Variants in CLCNKA observed in about 807,000 individuals in gnomAD.
CLCNKA encodes the protein chloride channel protein ClC-Ka.
In CLCNKA, 66 loss-of-function variants were observed where a neutral mutation model predicts 83.3. The observed-to-expected ratio is 0.79, with a 90% CI of 0.65 to 0.97. CLCNKA has a LOEUF of 0.97. Among genes scored for constraint, CLCNKA ranks in the 50% least tolerant of loss-of-function variants. The pLI is 0.00. For missense variants in CLCNKA, 806 were observed against 888.7 expected (o/e 0.91, Z 1.18); for synonymous variants, 357 against 370.4 (o/e 0.96, Z 0.42).
intron 19 of CLCNKA, 72 bp downstream of exon 19, chr1:16,033,328 G>A: frequency 6.6e-7 from 1 of 1,506,812 alleles, no homozygotes; most frequent in Non-Finnish European, 9.2e-7. Context: ...GGGGAGGTGG[G>A]GGGACACCAG....
intron 15 of CLCNKA, among the ~76,000 whole-genome samples, chr1:16,031,197 C>T (rs1245502356): frequency 6.6e-6 from 1 of 152,240 alleles, no homozygotes; most frequent in Non-Finnish European, 1.5e-5. Flanking sequence ...CCGCTCCAAA[C>T]ACAAACAAGC....
rs1233888093 is a variant in CLCNKA at position 16,026,551 on chromosome 1, C to T, written c.514C>T (p.Leu172=). The change falls in exon 6 of 20, where the codon CTG becomes TTG. Residue 172 remains leucine, a synonymous_variant. Coordinates refer to ENST00000331433, the MANE Select transcript of CLCNKA (RefSeq NM_004070.4). The part of the protein sequence containing the change: ...FLGKVGPFVH[L]SVMIAAYLGR... ...CCCTCTGCAGGGCCCTTTCGTGCAC[C>T]TGTCTGTAATGATCGCTGCCTACCT... The T allele has an allele frequency of 6.2e-7, 1 of 1,613,948 alleles. No individual in the cohort carries two copies. Among genetic ancestry groups the T allele is most frequent in the Admixed American group, 1.7e-5 (1 of 59,998 alleles).
chr1:16,027,159 C>T (rs1005528025), intron 7 of CLCNKA, 151 bp from the exon 8 acceptor site: 11 of 1,156,638 alleles, frequency 9.5e-6, no homozygotes, highest in African/African-American at 6.0e-5. Context: ...CCGCCCAGGG[C>T]GCAAGCCCTG....
In CLCNKA at chr1:16,026,195, T is replaced by A. The variant is rs754555441; in HGVS notation, c.446T>A (p.Val149Glu). ...LDIKNFGAKV[V>E]GLSCTLATGS... Reference sequence around the variant, plus strand: ...ATCAAGAACTTTGGGGCCAAGGTGGTGGGCCTCTCCTGCACCCTGGCCACC... The same window carrying A: ...ATCAAGAACTTTGGGGCCAAGGTGGAGGGCCTCTCCTGCACCCTGGCCACC... The change falls in exon 5 of 20, where the codon GTG becomes GAG. Residue 149 changes from valine (V) to glutamate (E), a missense_variant. Coordinates refer to ENST00000331433, the MANE Select transcript of CLCNKA (RefSeq NM_004070.4). 4.3e-6 allele frequency: 7 copies of A among 1,613,882 alleles called. No homozygotes were observed. Among genetic ancestry groups the A allele is most frequent in the Non-Finnish European group, 5.9e-6 (7 of 1,180,008 alleles).
Position 16,026,760 on chromosome 1 carries a change from G to A in CLCNKA, c.640G>A (p.Ala214Thr). The change falls in exon 7 of 20, where the codon GCA (alanine) becomes ACA (threonine). Residue 214 changes from alanine (A) to threonine (T), a missense_variant. By Grantham distance (58) the Ala-to-Thr change is moderately conservative. Coordinates refer to ENST00000331433, the MANE Select transcript of CLCNKA (RefSeq NM_004070.4). ...GGCAGTGGGCGTGGCCACAGTCTTT[G>A]CAGCTCCCTTCAGCGGTGAGACCCC... ...AAAVGVATVF[A>T]APFSGVLFSI... 1 of 1,613,604 alleles carries A rather than the reference G, an allele frequency of 6.2e-7. No homozygotes were observed. The highest frequency in any genetic ancestry group is 2.2e-5 in the East Asian group (1 of 44,858).
rs1193948622 is a variant in CLCNKA at position 16,027,031 on chromosome 1, CCT to C, written c.655+261_655+262del. The C allele has an allele frequency of 7.7e-6, 5 of 645,956 alleles. No homozygotes were observed. In the African/African-American group the frequency reaches 9.1e-5, roughly 12 times the overall value. The allele number at this position is 645,956 out of a possible 1,614,324, so 40.0% of individuals were successfully genotyped here. On this transcript the variant is annotated intron_variant, in intron 7 of 19. Coordinates refer to ENST00000331433, the MANE Select transcript of CLCNKA (RefSeq NM_004070.4). The stretch of plus-strand genomic sequence containing the variant: ...GGTTTGAAATCCACTGGCCCCTTGG[CCT>C]CTCTGAGCGCAGCTTCCTCCTCTGT...
intron 3 of CLCNKA, 131 bp from the exon 4 acceptor site, chr1:16,024,632 G>A (rs556644394): frequency 4.7e-5 from 59 of 1,252,206 alleles, no homozygotes; most frequent in Admixed American, 1.2e-4. Context: ...TTGGGGGTCT[G>A]CACCTCACTC....
intron 10 of CLCNKA, among the ~76,000 whole-genome samples, chr1:16,028,325 C>G (rs1277426031): frequency 6.6e-6 from 1 of 151,880 alleles, no homozygotes; most frequent in East Asian, 1.9e-4. Context: ...ACCCCCATCC[C>G]TCCTTCATTC....
intron 3 of CLCNKA, 66 bp from the exon 4 acceptor site, chr1:16,024,697 C>G: frequency 6.2e-7 from 1 of 1,606,334 alleles, no homozygotes; most frequent in Non-Finnish European, 8.5e-7. Flanking sequence ...TAAGTGGGCA[C>G]CACAGTGTCT....
Position 16,026,524 on chromosome 1 carries a change from T to G in CLCNKA, c.499-12T>G. 1 of 1,613,818 alleles carries G rather than the reference T, an allele frequency of 6.2e-7. No homozygotes were observed. Among genetic ancestry groups the G allele is most frequent in the African/African-American group, 1.3e-5 (1 of 75,016 alleles). On this transcript the variant is annotated splice_polypyrimidine_tract_variant and intron_variant, in intron 5 of 19. Transcript: ENST00000331433. ...CTGCTGCCCTCACCTGGGCCCACCCTTCCCTCTGCAGGGCCCTTTCGTGCA... is the reference window on the plus strand; with the variant it reads ...CTGCTGCCCTCACCTGGGCCCACCCGTCCCTCTGCAGGGCCCTTTCGTGCA...
chr1:16,031,547 A>C (rs1220092686), intron 15 of CLCNKA, among the ~76,000 whole-genome samples, 163 bp from the exon 16 acceptor site: 3 of 152,152 alleles, frequency 2.0e-5, no homozygotes, highest in Non-Finnish European at 4.4e-5. Flanking sequence ...GTTTCCTCCC[A>C]CTGTGGGTTC....
In CLCNKA at chr1:16,030,056, C is replaced by CG. The variant is rs1270880519; in HGVS notation, c.1395dup (p.Tyr466ValfsTer25). ...GAGGGGTTACCAATCCCATCATGCC[C>CG]GGGGGGTATGCTCTGGCAGGTGAGT... On this transcript the variant is annotated frameshift_variant, in exon 14 of 20. Coordinates refer to ENST00000331433, the MANE Select transcript of CLCNKA (RefSeq NM_004070.4). LOFTEE classifies it high-confidence loss of function. The CG allele has an allele frequency of 3.7e-6, 6 of 1,605,654 alleles. No homozygotes were observed. The highest frequency in any genetic ancestry group is 4.3e-6 in the Non-Finnish European group (5 of 1,172,936).
rs758156312 is a variant in CLCNKA, at chr1:16,027,379, C to T, written c.725C>T (p.Ala242Val). The T allele has an allele frequency of 8.1e-6, 13 of 1,613,822 alleles. No individual in the cohort carries two copies. The highest frequency in any genetic ancestry group is 2.7e-5 in the African/African-American group (2 of 74,938). The change falls in exon 8 of 20, where the codon GCG becomes GTG. Residue 242 changes from alanine to valine, a missense_variant. Coordinates refer to ENST00000331433, the MANE Select transcript of CLCNKA (RefSeq NM_004070.4). ...CGGGATTACTGGAGGGGCTTCTTTG[C>T]GGCCACCTGCGGGGCCTTCATATTC... ...SVRDYWRGFF[A>V]ATCGAFIFRL...
rs2022494196 is a variant in CLCNKA at position 16,028,832 on chromosome 1, T to G, written c.1040T>G (p.Phe347Cys). 6.8e-6 allele frequency: 11 copies of G among 1,613,956 alleles called. No homozygotes were observed. Among genetic ancestry groups the G allele is most frequent in the African/African-American group, 1.3e-5 (1 of 74,940 alleles). ...ACCTACCCGCCTGGTGTGGGCCACT[T>G]CCTAGCTTCTCGGGTAAGGGGTCCT... ...SITYPPGVGH[F>C]LASRLSMKQH... The change falls in exon 11 of 20, where the codon TTC becomes TGC. Residue 347 changes from phenylalanine to cysteine, a missense_variant. Transcript: ENST00000331433.
In CLCNKA at chr1:16,024,823, C is replaced by T. The variant is rs1450863458; in HGVS notation, c.290C>T (p.Thr97Ile). The T allele has an allele frequency of 6.2e-7, 1 of 1,614,208 alleles. No individual in the cohort carries two copies. Among genetic ancestry groups the T allele is most frequent in the Admixed American group, 1.7e-5 (1 of 60,016 alleles). The change falls in exon 4 of 20, where the codon ACT (threonine) becomes ATT (isoleucine). Residue 97 changes from threonine to isoleucine, a missense_variant. Coordinates refer to ENST00000331433, the MANE Select transcript of CLCNKA (RefSeq NM_004070.4). ...DSHLLRYLSW[T>I]VYPVALVSFS... Reference sequence around the variant, plus strand: ...CACCTGCTCCGGTATCTTTCCTGGACTGTGTACCCTGTGGCCCTCGTCTCT... The same window carrying T: ...CACCTGCTCCGGTATCTTTCCTGGATTGTGTACCCTGTGGCCCTCGTCTCT...
intron 16 of CLCNKA, 72 bp downstream of exon 16, chr1:16,031,915 C>T (rs1201007917): frequency 6.2e-6 from 10 of 1,607,428 alleles, no homozygotes; most frequent in Non-Finnish European, 8.5e-6. Context: ...ACCTGTCAGG[C>T]AGACAGGATC....
intron 9 of CLCNKA, 49 bp from the exon 10 acceptor site, chr1:16,027,969 C>T (rs774234204): frequency 3.1e-6 from 5 of 1,614,060 alleles, no homozygotes; most frequent in East Asian, 2.2e-5. Context: ...TGGACTGCGG[C>T]CCCTGGTACT....
intron 5 of CLCNKA, 41 bp downstream of exon 5, chr1:16,026,288 CCT>C: frequency 6.2e-7 from 1 of 1,606,606 alleles, no homozygotes; most frequent in Non-Finnish European, 8.5e-7. Context: ...CCCCGCCCAC[CCT>C]ACCCTGCCCC....
At chr1:16,023,014 G>A (rs952692181) in intron 2 of CLCNKA, among the ~76,000 whole-genome samples, 44 of 152,248 alleles carry the variant, frequency 2.9e-4, no homozygotes, top group Admixed American at 1.8e-3. Context: ...ATGAGGGGAC[G>A]TGGGGGTTAG....
Sources: allele counts gnomAD v4.1 joint callset (sites outside exome capture counted in the v4.1 genomes callset), GRCh38; gene constraint gnomAD v4.1.1; transcripts MANE v1.5; gene names NCBI Gene and HGNC (gene_info 2026-07-23, HGNC 2026-07-21).